PPP1R12B: variants seen among roughly 807,000 people sequenced by gnomAD.
PPP1R12B encodes myosin phosphatase target subunit 2.
Under a neutral mutation model 126.1 loss-of-function variants are expected in PPP1R12B, and 76 were observed. The observed-to-expected ratio is 0.60, with a 90% confidence interval of 0.50 to 0.73. PPP1R12B has a LOEUF of 0.73. PPP1R12B is among the 30% of genes least tolerant of loss of function. The probability of loss-of-function intolerance (pLI) is 0.00; values close to 1 mark genes in which losing one functional copy is unlikely to be tolerated. For missense variants in PPP1R12B, 1,052 were observed against 1,205.1 expected (o/e 0.87, Z 1.88); for synonymous variants, 356 against 434.7 (o/e 0.82, Z 2.25).
intron 13 of PPP1R12B, among the ~76,000 whole-genome samples, chr1:202,472,973 G>C (rs1420618395): frequency 6.6e-6 from 1 of 152,164 alleles, no homozygotes; most frequent in African/African-American, 2.4e-5. Context: ...AAGATTTACT[G>C]TTTGGCCCTT....
intron 13 of PPP1R12B, among the ~76,000 whole-genome samples, chr1:202,458,810 C>G (rs1673958223): frequency 6.6e-6 from 1 of 152,192 alleles, no homozygotes; most frequent in Non-Finnish European, 1.5e-5. Flanking sequence ...ACTGGGAAAC[C>G]TTGATAAAAG....
chr1:202,424,530 A>G (rs1368441127), intron 3 of PPP1R12B, among the ~76,000 whole-genome samples: 1 of 151,906 alleles, frequency 6.6e-6, no homozygotes, highest in African/African-American at 2.4e-5. Flanking sequence ...CACCATGTTG[A>G]TCAGGCTTGT....
intron 10 of PPP1R12B, chr1:202,439,135 G>A (rs1057141912): frequency 6.3e-7 from 1 of 1,579,618 alleles, no homozygotes; most frequent in Non-Finnish European, 8.7e-7. Context: ...AGCAGCTCCT[G>A]TAGTTGAAGG....
In PPP1R12B at chr1:202,348,759, C is replaced by T. The variant is rs1473751664; in HGVS notation, c.-93C>T. The T allele has an allele frequency of 6.9e-7, 1 of 1,457,424 alleles. No individual in the cohort carries two copies. Among genetic ancestry groups the T allele is most frequent in the Non-Finnish European group, 9.1e-7 (1 of 1,096,220 alleles). 90.3% of individuals were successfully genotyped at this position (1,457,424 alleles called of 1,614,324 possible). A position where few individuals can be genotyped will look rare whatever the true frequency, so the allele number is the denominator to read the frequency against. Reference sequence around the variant, plus strand: ...GAGGGTCTCCGCCCTCTGCTCCGGGCTGAAGCGCTCTGAGAGAGGCGGCAG... The same window carrying T: ...GAGGGTCTCCGCCCTCTGCTCCGGGTTGAAGCGCTCTGAGAGAGGCGGCAG... On this transcript the variant is annotated 5_prime_UTR_variant, in exon 1 of 24. Transcript: ENST00000608999.
At chr1:202,443,341 A>G (rs1168945479) in intron 12 of PPP1R12B, among the ~76,000 whole-genome samples, 2 of 152,224 alleles carry the variant, frequency 1.3e-5, no homozygotes, top group South Asian at 4.1e-4. Flanking sequence ...TTCTCACACC[A>G]TAGCCTTCAT....
intron 13 of PPP1R12B, among the ~76,000 whole-genome samples, chr1:202,469,865 T>G (rs1675594240): frequency 6.6e-6 from 1 of 152,228 alleles, no homozygotes; most frequent in South Asian, 2.1e-4. Context: ...TCTGAGCTAA[T>G]GGAAAGTTCA....
intron 2 of PPP1R12B, among the ~76,000 whole-genome samples, chr1:202,418,339 A>G (rs1031875715): frequency 6.6e-6 from 1 of 152,238 alleles, no homozygotes; most frequent in Non-Finnish European, 1.5e-5. Context: ...ATCTCATTAC[A>G]TTCAAGGATT....
At chr1:202,372,097 C>T (rs1571652112) in intron 1 of PPP1R12B, among the ~76,000 whole-genome samples, 1 of 152,188 alleles carries the variant, frequency 6.6e-6, no homozygotes, top group African/African-American at 2.4e-5. Context: ...TCTTGAACTC[C>T]TGACCTCAGG....
chr1:202,545,764 C>T (rs1685589374), intron 18 of PPP1R12B, among the ~76,000 whole-genome samples: 1 of 151,730 alleles, frequency 6.6e-6, no homozygotes, highest in Non-Finnish European at 1.5e-5. Context: ...GTTTGGAGAA[C>T]AATAGAAGCT....
intron 13 of PPP1R12B, among the ~76,000 whole-genome samples, chr1:202,486,522 G>A (rs1678149113): frequency 6.6e-6 from 1 of 152,154 alleles, no homozygotes; most frequent in Admixed American, 6.5e-5. Context: ...CTTTCCCATA[G>A]GGGCTGGGCA....
chr1:202,413,149 A>G (rs1191845277), intron 1 of PPP1R12B, among the ~76,000 whole-genome samples: 3 of 151,940 alleles, frequency 2.0e-5, no homozygotes, highest in Non-Finnish European at 4.4e-5. Context: ...GGAGGAATAT[A>G]TTATATAGCA....
chr1:202,387,440 T>C (rs1448723121), intron 1 of PPP1R12B, among the ~76,000 whole-genome samples: 1 of 152,222 alleles, frequency 6.6e-6, no homozygotes, highest in African/African-American at 2.4e-5. Flanking sequence ...GAGTGAGGTC[T>C]CTGTTGGTAT....
At chr1:202,460,719 A>T (rs982665418) in intron 13 of PPP1R12B, among the ~76,000 whole-genome samples, 1 of 152,246 alleles carries the variant, frequency 6.6e-6, no homozygotes, top group African/African-American at 2.4e-5. Flanking sequence ...AGCAGTGGGT[A>T]CATTTTCTAC....
chr1:202,481,990 AT>A (rs879811972), intron 13 of PPP1R12B, among the ~76,000 whole-genome samples: 3 of 148,052 alleles, frequency 2.0e-5, no homozygotes, highest in Non-Finnish European at 1.5e-5. Context: ...ATCATGCAGT[AT>A]TTTTTTTTTC....
chr1:202,415,822 C>T (rs1277863056), intron 1 of PPP1R12B, among the ~76,000 whole-genome samples: 1 of 152,056 alleles, frequency 6.6e-6, no homozygotes, highest in African/African-American at 2.4e-5. Flanking sequence ...TACATTTTTT[C>T]TGTTTGAAAT....
chr1:202,439,042 C>A, intron 10 of PPP1R12B: 1 of 1,379,808 alleles, frequency 7.2e-7, no homozygotes, highest in Non-Finnish European at 1.0e-6. Context: ...GGGCGGACTT[C>A]ATCCTGGCCG....
chr1:202,433,337 G>A (rs1331838010), intron 8 of PPP1R12B, among the ~76,000 whole-genome samples: 2 of 152,282 alleles, frequency 1.3e-5, no homozygotes, highest in African/African-American at 4.8e-5. Flanking sequence ...TTTGTGATTT[G>A]TACCCTTGCG....
At chr1:202,519,878 G>A (rs1167284820) in intron 18 of PPP1R12B, among the ~76,000 whole-genome samples, 2 of 152,174 alleles carry the variant, frequency 1.3e-5, no homozygotes, top group African/African-American at 4.8e-5. Flanking sequence ...TGGGACTTGT[G>A]TGGAGGGTTT....
chr1:202,484,037 G>C (rs1677754853), intron 13 of PPP1R12B, among the ~76,000 whole-genome samples: 1 of 152,080 alleles, frequency 6.6e-6, no homozygotes. Context: ...GCAGTATATA[G>C]TTGGGTCTTG....
Sources: gnomAD v4.1 joint callset for allele counts (sites outside exome capture counted in the v4.1 genomes callset) on GRCh38, gnomAD v4.1.1 for gene constraint, MANE v1.5 for transcripts, NCBI Gene and HGNC (gene_info 2026-07-23, HGNC 2026-07-21) for gene names.